Variants in CAMTA1 observed in about 807,000 individuals in gnomAD.
CAMTA1 encodes the protein calmodulin binding transcription activator 1.
A neutral mutation model predicts 170.9 loss-of-function variants in CAMTA1; 27 were observed. The ratio of observed to expected loss-of-function variants is 0.16; its 90% confidence interval spans 0.12 to 0.22. The LOEUF (loss-of-function observed/expected upper bound fraction) is 0.22, where lower values mean the gene tolerates loss of function less well. Among genes scored for constraint, CAMTA1 ranks in the 10% least tolerant of loss-of-function variants. CAMTA1 has a pLI of 1.00. For synonymous variants in CAMTA1, 833 were observed against 891.5 expected (o/e 0.93, Z 1.17); for missense variants, 1,619 against 2,217.2 (o/e 0.73, Z 5.42).
At chr1:7,618,487 T>C (rs2095575358) in intron 6 of CAMTA1, among the ~76,000 whole-genome samples, 1 of 152,248 alleles carries the variant, frequency 6.6e-6, no homozygotes, top group African/African-American at 2.4e-5. Context: ...GCTTGGGGCC[T>C]CTGCCCCAAA....
At chr1:6,841,346 G>A (rs556454857) in intron 3 of CAMTA1, among the ~76,000 whole-genome samples, 1 of 152,300 alleles carries the variant, frequency 6.6e-6, no homozygotes, top group Non-Finnish European at 1.5e-5. Flanking sequence ...GGGGATTAGG[G>A]TGTGTATATC....
At chr1:6,880,383 GTT>G (rs34745856) in intron 3 of CAMTA1, among the ~76,000 whole-genome samples, 268 of 67,186 alleles carry the variant, frequency 4.0e-3, no homozygotes, top group African/African-American at 0.013. Flanking sequence ...CTCTAAAAGT[GTT>G]TTTTTTTTTT....
chr1:6,960,602 C>G (rs929232295), intron 3 of CAMTA1, among the ~76,000 whole-genome samples: 1 of 152,216 alleles, frequency 6.6e-6, no homozygotes, highest in African/African-American at 2.4e-5. Context: ...CCATGTCCCA[C>G]AGCACTCTGT....
At chr1:7,743,346 G>A (rs566980924) in intron 16 of CAMTA1, among the ~76,000 whole-genome samples, 5 of 151,942 alleles carry the variant, frequency 3.3e-5, no homozygotes, top group South Asian at 2.1e-4. Context: ...TATAATTTAC[G>A]TATGATAAAA....
chr1:7,713,007 A>T (rs1056954486), intron 11 of CAMTA1, among the ~76,000 whole-genome samples: 9 of 152,180 alleles, frequency 5.9e-5, no homozygotes, highest in Admixed American at 5.9e-4. Flanking sequence ...ACACATGGGG[A>T]TTATGGGAGC....
intron 5 of CAMTA1, among the ~76,000 whole-genome samples, chr1:7,464,472 A>G (rs968779025): frequency 2.6e-5 from 4 of 152,320 alleles, no homozygotes; most frequent in African/African-American, 7.2e-5. Context: ...TTAATCCCCA[A>G]TTGGCTTGGT....
At chr1:7,429,435 G>A (rs58195072) in intron 5 of CAMTA1, among the ~76,000 whole-genome samples, 37,866 of 152,016 alleles carry the variant, frequency 0.25, 5,009 homozygotes, top group South Asian at 0.37. Flanking sequence ...TTATATCAAT[G>A]ATGGTGATTA....
At chr1:7,310,643 T>TCCTTTCTTTCTTTCTTTCTTTTTTC (rs1676389813) in intron 5 of CAMTA1, among the ~76,000 whole-genome samples, 1 of 29,418 alleles carries the variant, frequency 3.4e-5, no homozygotes, top group African/African-American at 1.3e-4. Context: ...TTTCTTTCTT[T>TCCTTTCTTTCTTTCTTTCTTTTTTC]CTTTTTTCTT....
In CAMTA1 at chr1:7,242,759, TC is replaced by T. The variant is rs1161822620; in HGVS notation, c.303-6731del. On this transcript the variant is annotated intron_variant, in intron 4 of 22. Transcript: ENST00000303635. ...CTGGCTAACACAGTGAAACCCCGTCTCTACTGAAAATAAAATAAATAAATAA... is the reference window on the plus strand; with the variant it reads ...CTGGCTAACACAGTGAAACCCCGTCTTACTGAAAATAAAATAAATAAATAA... Among the ~76,000 whole-genome samples, 3 of 145,686 alleles carry T rather than the reference TC, an allele frequency of 2.1e-5. No individual in the cohort carries two copies. In the East Asian group the frequency reaches 6.1e-4, roughly 29 times the overall value.
At position 7,517,147 on chromosome 1, in the gene CAMTA1, C is replaced by G. The variant is rs149761680; in HGVS notation, c.510+49246C>G. ...TCTGCATAATCCTTTCTCGTGGCCACGTTATATTCCATTCTCCAAATACTC... is the reference window on the plus strand; with the variant it reads ...TCTGCATAATCCTTTCTCGTGGCCAGGTTATATTCCATTCTCCAAATACTC... On this transcript the variant is annotated intron_variant, in intron 6 of 22. Coordinates refer to ENST00000303635, the MANE Select transcript of CAMTA1 (RefSeq NM_015215.4). Among the ~76,000 whole-genome samples the G allele has an allele frequency of 5.4e-4, 82 of 152,282 alleles. 1 individual carries two copies. Among genetic ancestry groups the G allele is most frequent in the Middle Eastern group, 3.4e-3 (1 of 294 alleles).
intron 6 of CAMTA1, among the ~76,000 whole-genome samples, chr1:7,557,599 T>C (rs1368285767): frequency 6.6e-6 from 1 of 152,270 alleles, no homozygotes; most frequent in African/African-American, 2.4e-5. Context: ...GTAATACACA[T>C]TCATGGCAAG....
intron 3 of CAMTA1, among the ~76,000 whole-genome samples, chr1:6,986,825 G>T (rs1373449966): frequency 6.6e-6 from 1 of 152,074 alleles, no homozygotes; most frequent in Non-Finnish European, 1.5e-5. Flanking sequence ...GCTGGGCGTT[G>T]AGTTTCCAGC....
intron 3 of CAMTA1, among the ~76,000 whole-genome samples, chr1:7,018,394 T>A (rs1700867250): frequency 6.6e-6 from 1 of 152,100 alleles, no homozygotes; most frequent in Non-Finnish European, 1.5e-5. Flanking sequence ...ATGTCTTTTG[T>A]CTCCAGCAGG....
chr1:7,752,775 G>A (rs373180784), intron 21 of CAMTA1, among the ~76,000 whole-genome samples: 1 of 152,188 alleles, frequency 6.6e-6, no homozygotes, highest in African/African-American at 2.4e-5. Flanking sequence ...GTGTTTTTCT[G>A]TTTTAATTTG....
chr1:6,882,331 A>G (rs564020110), intron 3 of CAMTA1, among the ~76,000 whole-genome samples: 2 of 152,328 alleles, frequency 1.3e-5, no homozygotes, highest in South Asian at 4.1e-4. Flanking sequence ...TTGGCCCTTT[A>G]CAGAAAAGAG....
At chr1:7,183,732 T>C (rs1030490762) in intron 4 of CAMTA1, among the ~76,000 whole-genome samples, 3 of 152,062 alleles carry the variant, frequency 2.0e-5, no homozygotes, top group African/African-American at 7.2e-5. Flanking sequence ...CGGAAGAGCA[T>C]CTGTGGGTGG....
At chr1:7,046,900 C>T (rs976348947) in intron 3 of CAMTA1, among the ~76,000 whole-genome samples, 4 of 152,156 alleles carry the variant, frequency 2.6e-5, no homozygotes, top group East Asian at 3.9e-4. Context: ...CAACTGCTGC[C>T]GGAGTAGACA....
rs1699659422 is a variant in CAMTA1 at position 7,010,733 on chromosome 1, C to G, written c.235-80571C>G. Among the ~76,000 whole-genome samples the G allele has an allele frequency of 6.6e-6, 1 of 152,184 alleles. No individual in the cohort carries two copies. The highest frequency in any genetic ancestry group is 2.4e-5 in the African/African-American group (1 of 41,458). On this transcript the variant is annotated intron_variant, in intron 3 of 22. Coordinates refer to ENST00000303635, the MANE Select transcript of CAMTA1 (RefSeq NM_015215.4). The surrounding 1 kb of genome is among the most constrained non-coding windows in gnomAD (Gnocchi z 4.4). ...ACCCACCCTCACTGCCACCCCCAGC[C>G]CCAGCCTTCCTTTGTGCCCGTTTCT...
chr1:7,155,145 C>G (rs1646790408), intron 4 of CAMTA1, among the ~76,000 whole-genome samples: 1 of 152,128 alleles, frequency 6.6e-6, no homozygotes, highest in South Asian at 2.1e-4. Context: ...CCCTGGGAAG[C>G]CTGTGCCGGG....
Sources: gnomAD v4.1 joint callset for allele counts (sites outside exome capture counted in the v4.1 genomes callset) on GRCh38, gnomAD v4.1.1 for gene constraint, Gnocchi (gnomAD v3.1) non-coding constraint, MANE v1.5 for transcripts, NCBI Gene and HGNC (gene_info 2026-07-23, HGNC 2026-07-21) for gene names.